The following PAG1 variants were observed in gnomAD, a reference collection of about 807,000 sequenced individuals.
PAG1 encodes the protein phosphoprotein associated with glycosphingolipid-enriched microdomains 1.
PAG1 carries 23 observed loss-of-function variants against 31.7 expected under a neutral mutation model. The observed-to-expected ratio is 0.73, with a 90% CI of 0.52 to 1.03. PAG1 has a LOEUF of 1.03. Ranked by LOEUF, PAG1 falls within the 50% of genes least tolerant of loss-of-function variation. The pLI is 0.00. For synonymous variants in PAG1, 214 were observed against 210.3 expected, an observed-to-expected ratio of 1.02 and a Z score of -0.15; for missense variants, 473 against 540.7, an observed-to-expected ratio of 0.87 and a Z score of 1.24.
chr8:81,071,257 T>C (rs1231865289), intron 1 of PAG1, among the ~76,000 whole-genome samples: 1 of 152,122 alleles, frequency 6.6e-6, no homozygotes, highest in East Asian at 1.9e-4. Flanking sequence ...CCATGTGGTC[T>C]AAGAGCCGCC....
chr8:80,978,657 G>A (rs1807233814), intron 8 of PAG1, among the ~76,000 whole-genome samples: 1 of 152,146 alleles, frequency 6.6e-6, no homozygotes, highest in Non-Finnish European at 1.5e-5. Flanking sequence ...CTTGGCCTTT[G>A]TCCTCATTCA....
chr8:81,052,907 C>T (rs1221414661), intron 2 of PAG1, among the ~76,000 whole-genome samples: 1 of 152,158 alleles, frequency 6.6e-6, no homozygotes, highest in Non-Finnish European at 1.5e-5. Context: ...AAAATATTTG[C>T]TGGATAGAAC....
chr8:81,008,989 T>C (rs1298894307), intron 3 of PAG1, among the ~76,000 whole-genome samples: 1 of 152,196 alleles, frequency 6.6e-6, no homozygotes, highest in African/African-American at 2.4e-5. Context: ...CTCCTAGAGA[T>C]TTTACTTCTC....
chr8:81,094,378 T>G (rs1469091729), intron 1 of PAG1, among the ~76,000 whole-genome samples: 3 of 152,150 alleles, frequency 2.0e-5, no homozygotes, highest in Non-Finnish European at 4.4e-5. Flanking sequence ...TCAGTGTGCT[T>G]TTCACTCAGC....
chr8:81,002,235 A>G (rs1788260254), intron 3 of PAG1, among the ~76,000 whole-genome samples: 1 of 151,700 alleles, frequency 6.6e-6, no homozygotes, highest in African/African-American at 2.4e-5. Context: ...ATAATAAAAG[A>G]CTTAAAAAAA....
intron 3 of PAG1, among the ~76,000 whole-genome samples, chr8:81,009,226 C>G (rs1425822601): frequency 6.6e-6 from 1 of 151,970 alleles, no homozygotes; most frequent in Non-Finnish European, 1.5e-5. Context: ...TTTAAAAAAC[C>G]TTATGTGTCT....
intron 3 of PAG1, among the ~76,000 whole-genome samples, chr8:80,993,599 CT>C (rs56960149): frequency 0.42 from 57,224 of 135,778 alleles, 13,366 homozygotes; most frequent in African/African-American, 0.68. Flanking sequence ...TCTTCTTGTT[CT>C]TTTTTTTTTT....
intron 1 of PAG1, among the ~76,000 whole-genome samples, chr8:81,102,538 C>A (rs1399010524): frequency 6.6e-6 from 1 of 152,010 alleles, no homozygotes; most frequent in Non-Finnish European, 1.5e-5. Flanking sequence ...CTGGAAATTG[C>A]AATTTAGTAA....
chr8:81,064,690 T>C (rs528138411), intron 2 of PAG1, among the ~76,000 whole-genome samples: 2 of 150,922 alleles, frequency 1.3e-5, no homozygotes, highest in Non-Finnish European at 2.9e-5. Flanking sequence ...CTCGGGTTTC[T>C]ACTGAAGCAG....
chr8:80,991,334 C>A, intron 5 of PAG1, 145 bp downstream of exon 5: 1 of 682,972 alleles, frequency 1.5e-6, no homozygotes, highest in South Asian at 1.6e-5. Context: ...CTACTGCATC[C>A]ATTTCAGAAG....
chr8:81,102,629 T>C lies in PAG1; in HGVS notation c.-234+8962A>G, dbSNP rs541888947. Reference sequence around the variant, plus strand: ...CCAGCCACAACATTCTATGTACTTTTCATGATTCTAATATTACTGTATATT... The same window carrying C: ...CCAGCCACAACATTCTATGTACTTTCCATGATTCTAATATTACTGTATATT... On this transcript the variant is annotated intron_variant, in intron 1 of 8. Transcript: ENST00000220597. Among the ~76,000 whole-genome samples the C allele has an allele frequency of 9.4e-4, 143 of 152,318 alleles. 1 individual carries two copies. The highest frequency in any genetic ancestry group is 3.1e-3 in the African/African-American group (127 of 41,578).
rs142799846 is a variant in PAG1, at chr8:81,083,682, T to C, written c.-233-13512A>G. 2.4e-3 allele frequency among the ~76,000 whole-genome samples: 359 copies of C among 152,310 alleles called. 3 individuals carry two copies. The highest frequency in any genetic ancestry group is 8.3e-3 in the African/African-American group (346 of 41,556). On this transcript the variant is annotated intron_variant, in intron 1 of 8. Transcript: ENST00000220597. ...AGAAAACAGATTTTCATCTTTTACT[T>C]ATTTGTTTTTGTATGTGCCTGTTGG... is the stretch of plus-strand genomic sequence containing the variant.
At chr8:81,065,934 G>C (rs1385943025) in intron 2 of PAG1, among the ~76,000 whole-genome samples, 1 of 152,050 alleles carries the variant, frequency 6.6e-6, no homozygotes, top group Non-Finnish European at 1.5e-5. Flanking sequence ...TAGCTACACA[G>C]AGAGCTGTTA....
At chr8:80,997,848 T>C (rs1378658842) in intron 3 of PAG1, among the ~76,000 whole-genome samples, 2 of 152,180 alleles carry the variant, frequency 1.3e-5, no homozygotes, top group Admixed American at 6.5e-5. Context: ...TACAAGCATA[T>C]AGTATTGCTG....
intron 1 of PAG1, among the ~76,000 whole-genome samples, chr8:81,083,717 C>G (rs1347720874): frequency 6.6e-6 from 1 of 152,138 alleles, no homozygotes; most frequent in African/African-American, 2.4e-5. Flanking sequence ...GTGTTTTCCA[C>G]TTGCTGCCTT....
At chr8:81,072,212 G>T (rs1809105376) in intron 1 of PAG1, among the ~76,000 whole-genome samples, 1 of 152,192 alleles carries the variant, frequency 6.6e-6, no homozygotes, top group Admixed American at 6.5e-5. Flanking sequence ...GTGAATCCTG[G>T]CACCTGATAG....
chr8:81,033,992 A>T (rs1808422960), intron 2 of PAG1, among the ~76,000 whole-genome samples: 1 of 152,256 alleles, frequency 6.6e-6, no homozygotes, highest in South Asian at 2.1e-4. Flanking sequence ...GGGATTGAGG[A>T]GAATAGACTT....
rs766507973 is a variant in PAG1, at chr8:80,985,036, A to G, written c.616T>C (p.Ser206Pro). 3 of 1,613,828 alleles carry G rather than the reference A, an allele frequency of 1.9e-6. No individual in the cohort carries two copies. The African/African-American group carries it at 4.0e-5, about 22-fold the overall frequency. Reference protein sequence around the residue: ...LEKGHSGKAKSTSASKELPGP... With the variant: ...LEKGHSGKAKPTSASKELPGP... ...GGGAGCTCTTTCGAGGCAGAAGTAG[A>G]TTTTGCCTTGCCACTGTGGCCTTTC... The change falls in exon 7 of 9, where the codon TCT (serine) becomes CCT (proline). Residue 206 changes from serine to proline, a missense_variant. Physicochemically the swap from Ser to Pro is moderately conservative, Grantham distance 74 (BLOSUM62 -1). Transcript: ENST00000220597.
intron 1 of PAG1, among the ~76,000 whole-genome samples, chr8:81,088,098 T>C (rs1284012409): frequency 3.3e-5 from 5 of 152,212 alleles, no homozygotes; most frequent in African/African-American, 4.8e-5. Context: ...CAAGAGAGCT[T>C]TGGGTCTGGG....
Sources: allele counts gnomAD v4.1 joint callset (sites outside exome capture counted in the v4.1 genomes callset), GRCh38; gene constraint gnomAD v4.1.1; transcripts MANE v1.5; gene names NCBI Gene and HGNC (gene_info 2026-07-23, HGNC 2026-07-21).